The following SCNN1B variants were observed in gnomAD, a reference collection of about 807,000 sequenced individuals.
The protein encoded by SCNN1B is sodium channel epithelial 1 subunit beta.
In SCNN1B, 46 loss-of-function variants were observed where a neutral mutation model predicts 65.3. The observed-to-expected ratio is 0.70, with a 90% CI of 0.56 to 0.90. The LOEUF is 0.90. SCNN1B is among the 40% of genes least tolerant of loss of function. The pLI, the probability that SCNN1B is intolerant of heterozygous loss-of-function variation, is 0.00. For synonymous variants in SCNN1B, 349 were observed against 330.6 expected (o/e 1.06, Z -0.60); for missense variants, 751 against 830.5 (o/e 0.90, Z 1.18).
In SCNN1B at chr16:23,348,156, A is replaced by T. The variant is rs1962226696; in HGVS notation, c.-8-436A>T. Among the ~76,000 whole-genome samples, 1 of 152,096 alleles carries T rather than the reference A, an allele frequency of 6.6e-6. No individual in the cohort carries two copies. The highest frequency in any genetic ancestry group is 6.6e-5 in the Admixed American group (1 of 15,260). The stretch of plus-strand genomic sequence containing the variant: ...CATATAGACAGTGGCCCTGGCTGGG[A>T]ATCTACTTTCTTTTCTCATCAATGT... On this transcript the variant is annotated intron_variant, in intron 1 of 12. Coordinates refer to ENST00000343070, the MANE Select transcript of SCNN1B (RefSeq NM_000336.3). The surrounding 1 kb of genome is among the most constrained non-coding windows in gnomAD (Gnocchi z 4.5).
At chr16:23,373,724 C>T (rs1962831348) in intron 7 of SCNN1B, among the ~76,000 whole-genome samples, 1 of 152,202 alleles carries the variant, frequency 6.6e-6, no homozygotes, top group South Asian at 2.1e-4. Context: ...AAATGACCCT[C>T]CTGGTGCCCA....
chr16:23,365,830 G>T lies in SCNN1B; in HGVS notation c.777-2026G>T, dbSNP rs147358017. Among the ~76,000 whole-genome samples, 3 of 152,316 alleles carry T rather than the reference G, an allele frequency of 2.0e-5. No individual in the cohort carries two copies. The East Asian group carries it at 5.8e-4, about 29-fold the overall frequency. ...CCGTTGAGGAAACCCAAGCTCAGAG[G>T]TTGAGTAAGCAGCTCAAATCTGTTG... On this transcript the variant is annotated intron_variant, in intron 4 of 12. Transcript: ENST00000343070.
At chr16:23,309,682 A>G (rs1030185194) in intron 1 of SCNN1B, among the ~76,000 whole-genome samples, 2 of 152,206 alleles carry the variant, frequency 1.3e-5, no homozygotes, top group African/African-American at 4.8e-5. Flanking sequence ...CTGCATTGGC[A>G]GCTGATTAGC....
chr16:23,286,002 T>C (rs771234688), intron 2 of SCNN1B, among the ~76,000 whole-genome samples: 5 of 151,584 alleles, frequency 3.3e-5, no homozygotes, highest in Non-Finnish European at 7.4e-5. Flanking sequence ...GAATGAAACA[T>C]ATTAAATCTA....
At chr16:23,313,753 A>G (rs1961392971) in intron 1 of SCNN1B, among the ~76,000 whole-genome samples, 2 of 152,122 alleles carry the variant, frequency 1.3e-5, no homozygotes, top group African/African-American at 4.8e-5. Context: ...CTGGTACTAT[A>G]GGCACGCGCC....
intron 8 of SCNN1B, among the ~76,000 whole-genome samples, chr16:23,376,703 A>G (rs975304952): frequency 2.7e-5 from 4 of 148,876 alleles, no homozygotes; most frequent in Admixed American, 2.0e-4. Context: ...TGATGCCAGG[A>G]GTTCGAGACC....
intron 2 of SCNN1B, among the ~76,000 whole-genome samples, chr16:23,349,452 A>G (rs1962262397): frequency 6.6e-6 from 1 of 152,200 alleles, no homozygotes; most frequent in South Asian, 2.1e-4. Flanking sequence ...GCGCCACTTG[A>G]GTTTCAAGTC....
chr16:23,362,541 T>G (rs1962574258), intron 4 of SCNN1B, among the ~76,000 whole-genome samples: 1 of 152,196 alleles, frequency 6.6e-6, no homozygotes, highest in South Asian at 2.1e-4. Flanking sequence ...TTCTGGAGGC[T>G]CACTGGTCTC....
At chr16:23,301,548 G>A (rs1050473200), upstream of SCNN1B, among the ~76,000 whole-genome samples, 2 of 152,180 alleles carry the variant, frequency 1.3e-5, no homozygotes, top group African/African-American at 4.8e-5. Flanking sequence ...GAAACTAAGT[G>A]TTAAGGATAT....
In SCNN1B at chr16:23,371,781, G is replaced by A. The variant is rs1596883084; in HGVS notation, c.1050G>A (p.Lys350=). ...TETSIGVLVD[K]LQRMGEPYSP... is the part of the protein sequence containing the mutation. Reference sequence around the variant, plus strand: ...AGCAACCCCTCTAAACACAGGACAAGCTTCAGCGCATGGGGGAGCCCTACA... The same window carrying A: ...AGCAACCCCTCTAAACACAGGACAAACTTCAGCGCATGGGGGAGCCCTACA... The change falls in exon 7 of 13, where the codon AAG becomes AAA. Residue 350 remains lysine, a synonymous_variant. Transcript: ENST00000343070. 5.6e-6 allele frequency: 9 copies of A among 1,614,044 alleles called. No individual in the cohort carries two copies. The African/African-American group carries it at 6.7e-5, about 12-fold the overall frequency.
chr16:23,344,943 A>C (rs908756989), intron 1 of SCNN1B, among the ~76,000 whole-genome samples: 1 of 152,042 alleles, frequency 6.6e-6, no homozygotes, highest in Non-Finnish European at 1.5e-5. Flanking sequence ...GCAGTGAGTC[A>C]AGATCGTGCC....
At chr16:23,366,691 C>T (rs550559525) in intron 4 of SCNN1B, among the ~76,000 whole-genome samples, 2 of 152,128 alleles carry the variant, frequency 1.3e-5, no homozygotes, top group African/African-American at 2.4e-5. Context: ...CACCACTGTA[C>T]TCCAGCCTGA....
At chr16:23,287,316 T>C (rs149908499) in intron 2 of SCNN1B, among the ~76,000 whole-genome samples, 73 of 152,234 alleles carry the variant, frequency 4.8e-4, no homozygotes, top group African/African-American at 1.7e-3. Context: ...AAAATTAATT[T>C]TTTTAAAAAA....
intron 8 of SCNN1B, 34 bp from the exon 9 acceptor site, chr16:23,377,131 A>C (rs762105664): frequency 1.2e-6 from 2 of 1,603,644 alleles, no homozygotes; most frequent in Admixed American, 3.4e-5. Context: ...AAGCCCCCTT[A>C]AACCTCTTGG....
intron 1 of SCNN1B, among the ~76,000 whole-genome samples, chr16:23,303,354 G>A (rs192162865): frequency 2.0e-4 from 31 of 152,206 alleles, no homozygotes; most frequent in African/African-American, 5.1e-4. Context: ...TCACAAAGCC[G>A]GGTGGATGGG....
intron 1 of SCNN1B, among the ~76,000 whole-genome samples, chr16:23,280,498 C>T (rs1361581312): frequency 2.6e-5 from 4 of 152,118 alleles, no homozygotes; most frequent in African/African-American, 9.7e-5. Flanking sequence ...GGATTATAGG[C>T]GTGAGCCACC....
intron 2 of SCNN1B, among the ~76,000 whole-genome samples, chr16:23,296,599 T>A (rs1170182512): frequency 1.3e-5 from 2 of 152,040 alleles, no homozygotes; most frequent in Admixed American, 6.6e-5. Flanking sequence ...CTGGGAAATA[T>A]TGGAGACAGA....
rs369571760 is a variant in SCNN1B at position 23,367,944 on chromosome 16, C to T, written c.865C>T (p.Pro289Ser). The T allele has an allele frequency of 1.5e-4, 242 of 1,613,544 alleles. No individual in the cohort carries two copies. Among genetic ancestry groups the T allele is most frequent in the Non-Finnish European group, 2.0e-4 (236 of 1,179,532 alleles). Reference protein sequence around the residue: ...MTEKALPSANPGTEFGLKLIL... With the variant: ...MTEKALPSANSGTEFGLKLIL... ...AGAGAAGGCACTTCCTTCGGCCAAC[C>T]CTGGAACTGAATTCGGTGAGTTTTG... Residue 289 changes from proline to serine, a missense_variant, in exon 5 of 13, where the codon CCT becomes TCT. By Grantham distance (74) the Pro-to-Ser change is moderately conservative. Coordinates refer to ENST00000343070, the MANE Select transcript of SCNN1B (RefSeq NM_000336.3).
intron 7 of SCNN1B, among the ~76,000 whole-genome samples, chr16:23,374,298 G>A (rs1264066128): frequency 7.3e-6 from 1 of 137,110 alleles, no homozygotes; most frequent in Middle Eastern, 3.7e-3. Flanking sequence ...AAGAGGCCGG[G>A]CGCGATGGCT....
Sources: gnomAD v4.1 joint callset for allele counts (sites outside exome capture counted in the v4.1 genomes callset) on GRCh38, gnomAD v4.1.1 for gene constraint, Gnocchi (gnomAD v3.1) non-coding constraint, MANE v1.5 for transcripts, NCBI Gene and HGNC (gene_info 2026-07-23, HGNC 2026-07-21) for gene names.